Variants in MCCC1 observed in about 807,000 individuals in gnomAD.
MCCC1 encodes the protein methylcrotonoyl-CoA carboxylase subunit alpha, mitochondrial.
A neutral mutation model predicts 83.8 loss-of-function variants in MCCC1; 64 were observed. The ratio of observed to expected loss-of-function variants is 0.76; its 90% CI spans 0.62 to 0.94. The LOEUF (loss-of-function observed/expected upper bound fraction) is 0.94. Ranked by LOEUF, MCCC1 falls within the 40% of genes least tolerant of loss-of-function variation. The pLI is 0.00. For synonymous variants in MCCC1, 322 were observed against 315.4 expected, an observed-to-expected ratio of 1.02 and a Z score of -0.22; for missense variants, 807 against 904.7, an observed-to-expected ratio of 0.89 and a Z score of 1.39.
chr3:183,107,588 G>GTGAA (rs1719428003), intron 1 of MCCC1, among the ~76,000 whole-genome samples: 1 of 151,694 alleles, frequency 6.6e-6, no homozygotes, highest in East Asian at 1.9e-4. Context: ...TGTCACCCAG[G>GTGAA]CTGGAGTGCA....
At chr3:183,024,316 G>A (rs1712406932) in intron 15 of MCCC1, among the ~76,000 whole-genome samples, 1 of 152,022 alleles carries the variant, frequency 6.6e-6, no homozygotes, top group African/African-American at 2.4e-5. Flanking sequence ...TCTCTCATAA[G>A]TACACAGTGG....
intron 8 of MCCC1, among the ~76,000 whole-genome samples, chr3:183,054,213 T>A (rs1245855949): frequency 1.5e-5 from 2 of 133,670 alleles, no homozygotes; most frequent in African/African-American, 5.7e-5. Flanking sequence ...TTGAGAGGAG[T>A]CTTGCTCTGT....
chr3:183,060,573 TTA>T (rs925522501), intron 7 of MCCC1, among the ~76,000 whole-genome samples: 47 of 151,784 alleles, frequency 3.1e-4, no homozygotes, highest in African/African-American at 1.0e-3. Flanking sequence ...GCAAATACAC[TTA>T]TAGTTTTTTT....
At chr3:183,092,261 G>A in intron 3 of MCCC1, 148 bp downstream of exon 3, 1 of 898,264 alleles carries the variant, frequency 1.1e-6, no homozygotes, top group Non-Finnish European at 1.7e-6. Flanking sequence ...TCTGAAAAAT[G>A]TTCCCAAGAA....
At chr3:183,025,396 G>T (rs1712504968) in intron 15 of MCCC1, among the ~76,000 whole-genome samples, 1 of 152,208 alleles carries the variant, frequency 6.6e-6, no homozygotes, top group African/African-American at 2.4e-5. Context: ...AAACCAAAGT[G>T]CTCTGGTGGG....
chr3:183,032,112 G>T (rs1020147737), intron 14 of MCCC1, among the ~76,000 whole-genome samples: 1 of 152,080 alleles, frequency 6.6e-6, no homozygotes, highest in South Asian at 2.1e-4. Flanking sequence ...CTGCCAAAAG[G>T]GTGTAGTGAA....
chr3:183,111,320 G>A (rs1463241280), intron 1 of MCCC1, among the ~76,000 whole-genome samples: 1 of 151,568 alleles, frequency 6.6e-6, no homozygotes, highest in Admixed American at 6.6e-5. Flanking sequence ...TTTGTTTTGA[G>A]ATGGAGTCTC....
At chr3:183,082,604 C>T (rs565046268) in intron 4 of MCCC1, among the ~76,000 whole-genome samples, 95 of 152,298 alleles carry the variant, frequency 6.2e-4, no homozygotes, top group African/African-American at 2.3e-3. Flanking sequence ...TCTTTAAAAG[C>T]TCAGGTGGTT....
At chr3:183,025,446 A>G (rs1006961139) in intron 15 of MCCC1, among the ~76,000 whole-genome samples, 4 of 152,212 alleles carry the variant, frequency 2.6e-5, no homozygotes, top group Non-Finnish European at 5.9e-5. Flanking sequence ...AAAAAATGTG[A>G]AAACTGCTGC....
rs753261965 is a variant in MCCC1, at chr3:183,039,128, T to C, written c.1275A>G (p.Glu425=). ...RIETGVRQGD[E]VSVHYDPMIA... ...TCATGGGGTCATAATGCACGGAAAC[T>C]TCGTCTCCTGAAATTGAAAACCACG... Residue 425 remains glutamate, a synonymous_variant, in exon 12 of 19, where the codon GAA becomes GAG. Coordinates refer to ENST00000265594, the MANE Select transcript of MCCC1 (RefSeq NM_020166.5). The C allele has an allele frequency of 2.5e-6, 4 of 1,614,228 alleles. No homozygotes were observed. The South Asian group carries it at 3.3e-5, about 13-fold the overall frequency.
At chr3:183,046,898 AG>A (rs1241699309) in intron 9 of MCCC1, among the ~76,000 whole-genome samples, 3 of 152,208 alleles carry the variant, frequency 2.0e-5, no homozygotes, top group Non-Finnish European at 4.4e-5. Flanking sequence ...AGATGCCATG[AG>A]GAGAAGCCTG....
At chr3:183,096,711 C>T (rs1373773758) in intron 1 of MCCC1, among the ~76,000 whole-genome samples, 3 of 152,210 alleles carry the variant, frequency 2.0e-5, no homozygotes, top group African/African-American at 7.2e-5. Flanking sequence ...AGGAGAGTTC[C>T]GTGAGCTAGC....
rs185409099 is a variant in MCCC1, at chr3:183,090,675, C to T, written c.273+1734G>A. Among the ~76,000 whole-genome samples the T allele has an allele frequency of 2.5e-4, 38 of 152,042 alleles. No individual in the cohort carries two copies. In the East Asian group the frequency reaches 5.2e-3, roughly 21 times the overall value. On this transcript the variant is annotated intron_variant, in intron 3 of 18. Coordinates refer to ENST00000265594, the MANE Select transcript of MCCC1 (RefSeq NM_020166.5). ...CACGATCTCAGCTCACTGCAACCTC[C>T]GCCTCCCGGGTTCAAGCGATTCTCC...
intron 7 of MCCC1, among the ~76,000 whole-genome samples, chr3:183,058,871 C>G (rs111763099): frequency 6.6e-6 from 1 of 152,126 alleles, no homozygotes; most frequent in African/African-American, 2.4e-5. Context: ...ATATGTTTTC[C>G]TGTTGATTTT....
Position 183,070,986 on chromosome 3 carries a change from A to C in MCCC1, c.761+13T>G. ...TTTTTAAACTCTGAGTCAGAAAAAT[A>C]AGGCCAACCCACCTCGGTGTGTCTA... On this transcript the variant is annotated intron_variant, in intron 7 of 18. Coordinates refer to ENST00000265594, the MANE Select transcript of MCCC1 (RefSeq NM_020166.5). The C allele has an allele frequency of 6.2e-7, 1 of 1,612,570 alleles. No individual in the cohort carries two copies. The highest frequency in any genetic ancestry group is 8.5e-7 in the Non-Finnish European group (1 of 1,179,090).
At chr3:183,089,509 G>A (rs886368376) in intron 3 of MCCC1, among the ~76,000 whole-genome samples, 2 of 152,164 alleles carry the variant, frequency 1.3e-5, no homozygotes, top group Non-Finnish European at 2.9e-5. Context: ...AGCTACTCAG[G>A]AGGCTGAGGT....
At chr3:183,078,666 C>T (rs888470763) in intron 4 of MCCC1, among the ~76,000 whole-genome samples, 4 of 152,082 alleles carry the variant, frequency 2.6e-5, no homozygotes, top group Non-Finnish European at 4.4e-5. Flanking sequence ...ATTTCATTTC[C>T]GGAGTGTTTG....
rs1372968856 is a variant in MCCC1 at position 183,092,530 on chromosome 3, T to TTGG, written c.149_151dup (p.Thr50dup). On this transcript the variant is annotated inframe_insertion, in exon 3 of 19. Coordinates refer to ENST00000265594, the MANE Select transcript of MCCC1 (RefSeq NM_020166.5). ...TTCTCCTCTGTTTGCAATGAGGACC[T>TTGG]TGGTAATGTTTCTTCCTGTTTAAAA... is the stretch of plus-strand genomic sequence containing the variant. 1.9e-6 allele frequency: 3 copies of TTGG among 1,614,072 alleles called. No individual in the cohort carries two copies. The highest frequency in any genetic ancestry group is 1.7e-5 in the Admixed American group (1 of 60,006).
intron 8 of MCCC1, among the ~76,000 whole-genome samples, chr3:183,054,101 C>G (rs938521907): frequency 2.2e-4 from 33 of 150,560 alleles, no homozygotes; most frequent in African/African-American, 7.6e-4. Context: ...AGGCTGGTCT[C>G]GAAGTCCTGA....
Sources: allele counts gnomAD v4.1 joint callset (sites outside exome capture counted in the v4.1 genomes callset), GRCh38; gene constraint gnomAD v4.1.1; transcripts MANE v1.5; gene names NCBI Gene and HGNC (gene_info 2026-07-23, HGNC 2026-07-21).